TSHZ1: variants seen among roughly 807,000 people sequenced by gnomAD.
TSHZ1 encodes the protein teashirt zinc finger homeobox 1.
TSHZ1 carries 12 observed loss-of-function variants against 67.1 expected under a neutral mutation model. The observed-to-expected ratio is 0.18, with a 90% CI of 0.11 to 0.29. TSHZ1 has a LOEUF of 0.29. TSHZ1 is among the 10% of genes least tolerant of loss of function. TSHZ1 has a pLI of 1.00. For synonymous variants in TSHZ1, 632 were observed against 622.4 expected (o/e 1.02, Z -0.23); for missense variants, 1,305 against 1,413.9 (o/e 0.92, Z 1.23).
intron 1 of TSHZ1, among the ~76,000 whole-genome samples, chr18:75,233,490 G>A (rs1345772578): frequency 2.0e-5 from 3 of 152,208 alleles, no homozygotes; most frequent in African/African-American, 4.8e-5. Context: ...GATGGATGCC[G>A]ATGTTATGTG....
At chr18:75,278,272 G>T (rs1445270151) in intron 1 of TSHZ1, among the ~76,000 whole-genome samples, 6 of 142,290 alleles carry the variant, frequency 4.2e-5, no homozygotes, top group African/African-American at 1.3e-4. Flanking sequence ...GTTGGAGGGG[G>T]GCTGGCTTCC....
chr18:75,215,134 G>C (rs189056107), intron 1 of TSHZ1, among the ~76,000 whole-genome samples: 1 of 152,258 alleles, frequency 6.6e-6, no homozygotes, highest in East Asian at 1.9e-4. Flanking sequence ...CAATGCTGAA[G>C]ACCCTCATGG....
chr18:75,276,512 C>A (rs1423618537), intron 1 of TSHZ1, among the ~76,000 whole-genome samples: 1 of 152,226 alleles, frequency 6.6e-6, no homozygotes, highest in Non-Finnish European at 1.5e-5. Context: ...AAACCACCTG[C>A]TCTCTCCATA....
intron 1 of TSHZ1, among the ~76,000 whole-genome samples, chr18:75,246,731 G>T (rs1370036975): frequency 1.3e-5 from 2 of 152,080 alleles, no homozygotes; most frequent in East Asian, 3.9e-4. Context: ...TAGTTTAATT[G>T]AAAGAATAAT....
At chr18:75,258,533 G>A (rs941896871) in intron 1 of TSHZ1, among the ~76,000 whole-genome samples, 3 of 152,084 alleles carry the variant, frequency 2.0e-5, no homozygotes, top group African/African-American at 7.2e-5. Flanking sequence ...TCTTTATTTG[G>A]GAAAAAGGGA....
rs2023607435 is a variant in TSHZ1, at chr18:75,275,745, A to G, written c.41-9703A>G. Among the ~76,000 whole-genome samples, 4 of 152,088 alleles carry G rather than the reference A, an allele frequency of 2.6e-5. No individual in the cohort carries two copies. The South Asian group carries it at 8.3e-4, about 32-fold the overall frequency. ...TGGGGGTAAAAACTGAAATCGGCTG[A>G]TGTTTTGAGTGCAGGTCATTGGGTA... On this transcript the variant is annotated intron_variant, in intron 1 of 1. Coordinates refer to ENST00000580243, the MANE Select transcript of TSHZ1 (RefSeq NM_001308210.2).
At chr18:75,267,454 T>C (rs955395424) in intron 1 of TSHZ1, among the ~76,000 whole-genome samples, 1 of 152,214 alleles carries the variant, frequency 6.6e-6, no homozygotes, top group South Asian at 2.1e-4. Flanking sequence ...GGAACGCTGC[T>C]CATTGCTTCC....
chr18:75,244,018 G>C (rs377354861), intron 1 of TSHZ1, among the ~76,000 whole-genome samples: 1 of 152,158 alleles, frequency 6.6e-6, no homozygotes, highest in East Asian at 1.9e-4. Context: ...GCAATATTAT[G>C]GTAAGTATGG....
At chr18:75,226,316 T>A (rs138476003) in intron 1 of TSHZ1, among the ~76,000 whole-genome samples, 4,195 of 152,256 alleles carry the variant, frequency 0.028, 74 homozygotes, top group Non-Finnish European at 0.039. Context: ...TTCTAGAACC[T>A]TCTATTAATT....
chr18:75,288,923 T>G lies in TSHZ1; in HGVS notation c.*282T>G. 3.3e-6 allele frequency: 1 copy of G among 303,554 alleles called. No individual in the cohort carries two copies. The highest frequency in any genetic ancestry group is 1.1e-4 in the South Asian group (1 of 8,936). The allele number at this position is 303,554 out of a possible 1,614,324, so 18.8% of individuals were successfully genotyped here. On this transcript the variant is annotated 3_prime_UTR_variant, in exon 2 of 2. Transcript: ENST00000580243. This position sits in a 1 kb window ranked among gnomAD's most constrained non-coding sequence, Gnocchi z 4.9. The stretch of plus-strand genomic sequence containing the variant: ...TAGTGGGGCACACTACTCAGAGACA[T>G]TATTTAGCAGTAAAGAAAGACACAA...
chr18:75,274,348 G>A (rs1248604794), intron 1 of TSHZ1, among the ~76,000 whole-genome samples: 1 of 152,068 alleles, frequency 6.6e-6, no homozygotes, highest in Non-Finnish European at 1.5e-5. Context: ...GTGGAGGTGG[G>A]GTGATGGTGG....
intron 1 of TSHZ1, among the ~76,000 whole-genome samples, chr18:75,220,533 G>A (rs1470146376): frequency 1.3e-5 from 2 of 152,120 alleles, no homozygotes; most frequent in African/African-American, 2.4e-5. Flanking sequence ...TGGATTTTCT[G>A]GTTTGGGAAT....
At chr18:75,278,999 G>A (rs187513363) in intron 1 of TSHZ1, among the ~76,000 whole-genome samples, 1 of 152,228 alleles carries the variant, frequency 6.6e-6, no homozygotes, top group Admixed American at 6.5e-5. Context: ...CTGTCCCAAA[G>A]ACCGTTCCCT....
Position 75,286,967 on chromosome 18 carries a change from T to C in TSHZ1, c.1560T>C (p.Ser520=), listed in dbSNP as rs372374588. 3 of 1,613,422 alleles carry C rather than the reference T, an allele frequency of 1.9e-6. No individual in the cohort carries two copies. Among genetic ancestry groups the C allele is most frequent in the Non-Finnish European group, 2.5e-6 (3 of 1,179,916 alleles). The part of the protein sequence containing the change: ...AGDAEKIKEE[S]EDSLEKFEPS... ...ACGCGGAGAAGATCAAGGAGGAGAG[T>C]GAGGACAGCTTGGAGAAATTTGAGC... Residue 520 remains serine (S), a synonymous_variant, in exon 2 of 2, where the codon AGT becomes AGC. Coordinates refer to ENST00000580243, the MANE Select transcript of TSHZ1 (RefSeq NM_001308210.2). This position sits in a 1 kb window ranked among gnomAD's most constrained non-coding sequence, Gnocchi z 5.1.
intron 1 of TSHZ1, among the ~76,000 whole-genome samples, chr18:75,274,521 C>T (rs1048831475): frequency 6.6e-6 from 1 of 152,120 alleles, no homozygotes; most frequent in Non-Finnish European, 1.5e-5. Context: ...TAGAAATAAG[C>T]ATTTCTACAA....
intron 1 of TSHZ1, among the ~76,000 whole-genome samples, chr18:75,219,334 C>G (rs907001781): frequency 6.6e-6 from 1 of 152,012 alleles, no homozygotes; most frequent in African/African-American, 2.4e-5. Context: ...AATAAAGTAC[C>G]ACTGTATTTT....
At position 75,285,859 on chromosome 18, in the gene TSHZ1, A is replaced by G; in HGVS notation, c.452A>G (p.Lys151Arg). The G allele has an allele frequency of 8.7e-6, 14 of 1,610,124 alleles. No homozygotes were observed. Among genetic ancestry groups the G allele is most frequent in the Non-Finnish European group, 1.2e-5 (14 of 1,178,526 alleles). The change falls in exon 2 of 2, where the codon AAG becomes AGG. Residue 151 changes from lysine (K) to arginine (R), a missense_variant. By Grantham distance (26) the Lys-to-Arg change is conservative (BLOSUM62 2). This residue lies in a region of TSHZ1 where 358 missense variants were observed against 375.6 expected (regional missense o/e 0.95). Transcript: ENST00000580243. Reference sequence around the variant, plus strand: ...ACCAGCACCAACGATGCCAGCCAGAAGGAGAGCTCCGCCCCCACCCCCACA... The same window carrying G: ...ACCAGCACCAACGATGCCAGCCAGAGGGAGAGCTCCGCCCCCACCCCCACA... ...STTSTNDASQ[K>R]ESSAPTPTPP...
chr18:75,282,982 C>T (rs542088983), intron 1 of TSHZ1: 1 of 152,450 alleles, frequency 6.6e-6, no homozygotes, highest in African/African-American at 2.4e-5. Context: ...TCAAGCTAAA[C>T]GTTTCCTTTG....
intron 1 of TSHZ1, chr18:75,221,004 G>A (rs2022838547): frequency 6.6e-6 from 1 of 152,206 alleles, no homozygotes; most frequent in Non-Finnish European, 1.5e-5. Context: ...TAGCCAAGTA[G>A]AATCCCTCCA....
Sources: gnomAD v4.1 joint callset for allele counts (sites outside exome capture counted in the v4.1 genomes callset) on GRCh38, gnomAD v4.1.1 for gene constraint, gnomAD v4.1.1 regional missense constraint, Gnocchi (gnomAD v3.1) non-coding constraint, MANE v1.5 for transcripts, NCBI Gene and HGNC (gene_info 2026-07-23, HGNC 2026-07-21) for gene names.